The following KCNJ16 variants were observed in gnomAD, a reference collection of about 807,000 sequenced individuals.
The protein encoded by KCNJ16 is potassium inwardly rectifying channel subfamily J member 16, also known as inward rectifier potassium channel 16.
A neutral mutation model predicts 18.5 loss-of-function variants in KCNJ16; 15 were observed. The ratio of observed to expected loss-of-function variants is 0.81; its 90% confidence interval spans 0.54 to 1.25. KCNJ16 has a LOEUF of 1.25. Ranked by LOEUF, KCNJ16 falls within the 50% of genes most tolerant of loss-of-function variation. KCNJ16 has a pLI of 0.00. For synonymous variants in KCNJ16, 174 were observed against 186.5 expected (o/e 0.93, Z 0.55); for missense variants, 523 against 525.7 (o/e 0.99, Z 0.05).
At chr17:70,111,729 A>T (rs2073192168) in intron 2 of KCNJ16, among the ~76,000 whole-genome samples, 1 of 152,038 alleles carries the variant, frequency 6.6e-6, no homozygotes, top group African/African-American at 2.4e-5. Context: ...AGTTTCCCCC[A>T]TACTGTTCCC....
chr17:70,109,017 C>T (rs75160499), intron 2 of KCNJ16, among the ~76,000 whole-genome samples: 347 of 152,180 alleles, frequency 2.3e-3, no homozygotes, highest in African/African-American at 8.0e-3. Context: ...GGTGACTTAG[C>T]GAGCATTTCT....
chr17:70,132,796 G>A lies in KCNJ16; in HGVS notation c.709G>A (p.Asp237Asn). 1.2e-6 allele frequency: 2 copies of A among 1,613,974 alleles called. No individual in the cohort carries two copies. Among genetic ancestry groups the A allele is most frequent in the Non-Finnish European group, 1.7e-6 (2 of 1,180,038 alleles). Residue 237 changes from aspartate (D) to asparagine (N), a missense_variant, in exon 4 of 4, where the codon GAC becomes AAC. Physicochemically the swap from Asp to Asn is conservative, Grantham distance 23. Transcript: ENST00000392671. ...SEGRMTMAFK[D>N]LKLVNDQIIL... The stretch of plus-strand genomic sequence containing the variant: ...AGGGAGGATGACGATGGCATTTAAA[G>A]ACCTCAAATTAGTCAACGACCAAAT...
At position 70,098,891 on chromosome 17, in the gene KCNJ16, GAAC is replaced by G. The variant is rs57071509; in HGVS notation, c.-299-1763_-299-1761del. Among the ~76,000 whole-genome samples, 103 of 152,244 alleles carry G rather than the reference GAAC, an allele frequency of 6.8e-4. 1 individual carries two copies. In the East Asian group the frequency reaches 0.015, roughly 22 times the overall value. On this transcript the variant is annotated intron_variant, in intron 1 of 3. Coordinates refer to ENST00000392671, the MANE Select transcript of KCNJ16 (RefSeq NM_170741.4). ...ATAACATTTTTTAAAGACATTCAAA[GAAC>G]AACCAGGTGTTGAGCAAATTCTAAG...
chr17:70,103,880 C>G (rs1035067746), intron 2 of KCNJ16, among the ~76,000 whole-genome samples: 1 of 151,888 alleles, frequency 6.6e-6, no homozygotes, highest in Non-Finnish European at 1.5e-5. Context: ...TCTGAGTAAA[C>G]AGCACAAGTA....
intron 2 of KCNJ16, among the ~76,000 whole-genome samples, chr17:70,114,971 C>A (rs1242517518): frequency 6.6e-6 from 1 of 152,124 alleles, no homozygotes. Context: ...TTCTTTTTAT[C>A]CTCATAGCAA....
At chr17:70,092,080 C>T (rs8072498) in intron 1 of KCNJ16, among the ~76,000 whole-genome samples, 129,134 of 152,194 alleles carry the variant, frequency 0.85, 54,859 homozygotes, top group East Asian at 0.96. Context: ...TACCTAAAAG[C>T]ACATTGGAAT....
chr17:70,087,065 C>CTT (rs142092333), intron 1 of KCNJ16, among the ~76,000 whole-genome samples: 53,061 of 140,774 alleles, frequency 0.38, 10,604 homozygotes, highest in East Asian at 0.46. Flanking sequence ...CACCTAGCTA[C>CTT]TTTTTTTTTT....
At chr17:70,115,383 T>A (rs2073362487) in intron 2 of KCNJ16, among the ~76,000 whole-genome samples, 2 of 152,110 alleles carry the variant, frequency 1.3e-5, no homozygotes, top group South Asian at 4.1e-4. Flanking sequence ...ACCTGCATCA[T>A]GAATACATAA....
chr17:70,132,031 A>G lies in KCNJ16; in HGVS notation c.-57A>G. ...AAACCCAAACCAAGAAATAGCAACA[A>G]GTCTAGAATTCTTACTACTACAAAA... On this transcript the variant is annotated 5_prime_UTR_variant, in exon 4 of 4. Transcript: ENST00000392671. The G allele has an allele frequency of 6.2e-7, 1 of 1,607,594 alleles. No individual in the cohort carries two copies. Among genetic ancestry groups the G allele is most frequent in the Non-Finnish European group, 8.5e-7 (1 of 1,177,370 alleles).
At chr17:70,100,297 C>T (rs1413461715) in intron 1 of KCNJ16, among the ~76,000 whole-genome samples, 2 of 152,180 alleles carry the variant, frequency 1.3e-5, no homozygotes, top group Non-Finnish European at 2.9e-5. Flanking sequence ...TTCTCTATTT[C>T]AAATTACTGG....
chr17:70,077,508 C>T (rs540608375), intron 1 of KCNJ16, among the ~76,000 whole-genome samples: 523 of 152,270 alleles, frequency 3.4e-3, no homozygotes, highest in Non-Finnish European at 5.9e-3. Context: ...CAACATGAAA[C>T]TTGTAAGGGA....
chr17:70,123,323 G>A (rs1474507158), intron 2 of KCNJ16, among the ~76,000 whole-genome samples: 1 of 152,188 alleles, frequency 6.6e-6, no homozygotes, highest in African/African-American at 2.4e-5. Context: ...AATCTGATTT[G>A]AGCAGAAACG....
chr17:70,088,337 G>A (rs1407875262), intron 1 of KCNJ16, among the ~76,000 whole-genome samples: 2 of 152,182 alleles, frequency 1.3e-5, no homozygotes, highest in African/African-American at 4.8e-5. Flanking sequence ...AATAGGATTC[G>A]TGCTTCTATG....
chr17:70,089,181 C>A (rs961974577), intron 1 of KCNJ16, among the ~76,000 whole-genome samples: 2 of 152,058 alleles, frequency 1.3e-5, no homozygotes, highest in African/African-American at 4.8e-5. Flanking sequence ...TAAATGGTTT[C>A]AATTCATACA....
chr17:70,127,319 A>C (rs2073888556), intron 2 of KCNJ16, among the ~76,000 whole-genome samples: 1 of 152,054 alleles, frequency 6.6e-6, no homozygotes, highest in African/African-American at 2.4e-5. Flanking sequence ...AAGCGTGGAC[A>C]GTTATCTAGT....
At chr17:70,113,111 C>T (rs1020280523) in intron 2 of KCNJ16, among the ~76,000 whole-genome samples, 7 of 152,174 alleles carry the variant, frequency 4.6e-5, no homozygotes, top group African/African-American at 1.7e-4. Context: ...TATTCCAAGT[C>T]AAATGCAAAT....
At chr17:70,122,877 C>A (rs899222790) in intron 2 of KCNJ16, among the ~76,000 whole-genome samples, 2 of 152,146 alleles carry the variant, frequency 1.3e-5, no homozygotes, top group African/African-American at 4.8e-5. Flanking sequence ...TGTGGCCCTG[C>A]CGCACATGAA....
chr17:70,133,512 C>T lies in KCNJ16; in HGVS notation c.*168C>T, dbSNP rs1266707875. On this transcript the variant is annotated 3_prime_UTR_variant, in exon 4 of 4. Transcript: ENST00000392671. ...AAGATAATCTAAAAATTCCATAGTT[C>T]TCAGTTATTAAAATTTTTCTTGTTC... 2 of 586,038 alleles carry T rather than the reference C, an allele frequency of 3.4e-6. No individual in the cohort carries two copies. The highest frequency in any genetic ancestry group is 5.8e-6 in the Non-Finnish European group (2 of 344,294). 36.3% of individuals were successfully genotyped at this position (586,038 alleles called of 1,614,324 possible).
chr17:70,130,638 G>A (rs2074023330), intron 2 of KCNJ16, among the ~76,000 whole-genome samples: 1 of 152,138 alleles, frequency 6.6e-6, no homozygotes, highest in African/African-American at 2.4e-5. Context: ...CAGCAGAGAA[G>A]GTGCTGAACA....
Sources: allele counts gnomAD v4.1 joint callset (sites outside exome capture counted in the v4.1 genomes callset), GRCh38; gene constraint gnomAD v4.1.1; transcripts MANE v1.5; gene names NCBI Gene and HGNC (gene_info 2026-07-23, HGNC 2026-07-21).